CR1: variants seen among roughly 807,000 people sequenced by gnomAD.
CR1 encodes the protein complement receptor type 1.
A neutral mutation model predicts 187.3 loss-of-function variants in CR1; 116 were observed. That is an observed-to-expected ratio of 0.62 (90% CI 0.53 to 0.72). The LOEUF is 0.72. Ranked by LOEUF, CR1 falls within the 30% of genes least tolerant of loss-of-function variation. The pLI is 0.00. For missense variants in CR1, 1,731 were observed against 2,110.7 expected (o/e 0.82, Z 3.52); for synonymous variants, 576 against 747.1 (o/e 0.77, Z 3.73).
chr1:207,613,036 A>T (rs1207480092), intron 39 of CR1, among the ~76,000 whole-genome samples: 1 of 152,166 alleles, frequency 6.6e-6, no homozygotes, highest in African/African-American at 2.4e-5. Flanking sequence ...TTCGCGTGGT[A>T]CAGCTGCCCT....
chr1:207,498,890 A>AAAAAAAAAAAAT (rs911285366), intron 1 of CR1, among the ~76,000 whole-genome samples: 1 of 149,322 alleles, frequency 6.7e-6, no homozygotes, highest in Non-Finnish European at 1.5e-5. Context: ...AAAAAAAAAA[A>AAAAAAAAAAAAT]AAAGAAACAA....
intron 35 of CR1, among the ~76,000 whole-genome samples, chr1:207,603,267 C>G (rs1289881149): frequency 1.3e-5 from 2 of 152,108 alleles, no homozygotes; most frequent in Non-Finnish European, 2.9e-5. Flanking sequence ...ACGAGTTCAA[C>G]TATTTTAGAT....
chr1:207,639,167 T>C (rs1662906195), intron 46 of CR1, among the ~76,000 whole-genome samples: 3 of 152,238 alleles, frequency 2.0e-5, no homozygotes, highest in Non-Finnish European at 4.4e-5. Context: ...ATCTTGGACA[T>C]AAGTCAGGTG....
At chr1:207,583,996 G>GA (rs1435743334) in intron 32 of CR1, among the ~76,000 whole-genome samples, 7 of 151,878 alleles carry the variant, frequency 4.6e-5, no homozygotes, top group African/African-American at 1.7e-4. Context: ...TTTCTTTAAT[G>GA]AAAAAAATAA....
At chr1:207,501,049 A>C (rs941960443) in intron 1 of CR1, among the ~76,000 whole-genome samples, 1 of 152,270 alleles carries the variant, frequency 6.6e-6, no homozygotes, top group African/African-American at 2.4e-5. Flanking sequence ...ATAGGATATA[A>C]ATGAAGTGAT....
intron 4 of CR1, among the ~76,000 whole-genome samples, chr1:207,513,766 T>TCCTTCCTC (rs1659699591): frequency 2.1e-5 from 1 of 47,038 alleles, no homozygotes; most frequent in South Asian, 8.6e-4. Flanking sequence ...CTCCCTCCCT[T>TCCTTCCTC]CCTTCCTTCC....
At chr1:207,590,782 G>T (rs977120021) in intron 35 of CR1, among the ~76,000 whole-genome samples, 1 of 152,078 alleles carries the variant, frequency 6.6e-6, no homozygotes, top group Admixed American at 6.5e-5. Context: ...CCAAGCAAAT[G>T]GAAAGCAAAT....
At chr1:207,578,605 A>C (rs938147234) in intron 29 of CR1, among the ~76,000 whole-genome samples, 1 of 152,258 alleles carries the variant, frequency 6.6e-6, no homozygotes, top group African/African-American at 2.4e-5. Context: ...TATCCATTTA[A>C]TAGTGACATC....
intron 35 of CR1, among the ~76,000 whole-genome samples, chr1:207,603,839 G>A (rs993263665): frequency 3.3e-5 from 5 of 152,122 alleles, no homozygotes; most frequent in African/African-American, 1.2e-4. Flanking sequence ...TACAATGCAC[G>A]ATCCTGCACA....
intron 45 of CR1, among the ~76,000 whole-genome samples, chr1:207,626,252 G>A (rs1029890339): frequency 6.6e-6 from 1 of 152,166 alleles, no homozygotes; most frequent in Non-Finnish European, 1.5e-5. Flanking sequence ...AAACACCACT[G>A]ATTTTCATGT....
intron 4 of CR1, among the ~76,000 whole-genome samples, chr1:207,518,065 C>T (rs569285847): frequency 3.3e-5 from 5 of 152,002 alleles, no homozygotes; most frequent in Non-Finnish European, 7.4e-5. Context: ...TGTTTCCAAC[C>T]TTTATTTTTC....
In CR1 at chr1:207,609,292, A is replaced by T. The variant is rs772788078; in HGVS notation, c.5899A>T (p.Ile1967Leu). 1 of 1,603,544 alleles carries T rather than the reference A, an allele frequency of 6.2e-7. No individual in the cohort carries two copies. Among genetic ancestry groups the T allele is most frequent in the Non-Finnish European group, 8.5e-7 (1 of 1,173,140 alleles). ...TACCATACTCTTCCTTCTCTCAGTC[A>T]TATCTTGTGAGCCACCTCCAACCAT... ...WDKKAPICEI[I>L]SCEPPPTISN... The change falls in exon 37 of 47, where the codon ATA becomes TTA. Residue 1967 changes from isoleucine (I) to leucine (L), a missense_variant and splice_region_variant. By Grantham distance (5) the Ile-to-Leu change is conservative. This residue lies in a region of CR1 where 1,312 missense variants were observed against 1,379.6 expected (regional missense o/e 0.95). Transcript: ENST00000367049.
intron 35 of CR1, among the ~76,000 whole-genome samples, chr1:207,594,592 A>T (rs1204858844): frequency 2.0e-5 from 3 of 152,172 alleles, no homozygotes; most frequent in African/African-American, 7.2e-5. Context: ...CCCAGAATTT[A>T]AAGTATGATA....
chr1:207,636,613 CA>C (rs1190823464), intron 46 of CR1, among the ~76,000 whole-genome samples: 1 of 152,116 alleles, frequency 6.6e-6, no homozygotes, highest in Non-Finnish European at 1.5e-5. Context: ...ATTTTTTTGC[CA>C]ATCATTAACA....
At chr1:207,521,947 G>A (rs1427861592) in intron 4 of CR1, among the ~76,000 whole-genome samples, 1 of 151,536 alleles carries the variant, frequency 6.6e-6, no homozygotes. Flanking sequence ...AGAATTACAG[G>A]CGTGAGCCAC....
At chr1:207,507,789 T>C (rs1442136837) in intron 3 of CR1, among the ~76,000 whole-genome samples, 1 of 152,166 alleles carries the variant, frequency 6.6e-6, no homozygotes, top group Admixed American at 6.6e-5. Flanking sequence ...TCCAAAGGAA[T>C]TGAAAACTCA....
At chr1:207,506,939 A>G in intron 3 of CR1, 126 bp downstream of exon 3, 1 of 715,214 alleles carries the variant, frequency 1.4e-6, no homozygotes, top group Non-Finnish European at 2.3e-6. Flanking sequence ...CGGCTTCAAC[A>G]CAGATGTTTA....
intron 4 of CR1, among the ~76,000 whole-genome samples, chr1:207,520,114 T>G (rs1659928924): frequency 1.3e-5 from 2 of 152,280 alleles, no homozygotes; most frequent in Non-Finnish European, 2.9e-5. Context: ...AGAATTTTTA[T>G]GTTGCCTCAG....
intron 31 of CR1, among the ~76,000 whole-genome samples, chr1:207,581,219 G>T (rs1660932149): frequency 1.4e-5 from 2 of 145,056 alleles, no homozygotes; most frequent in African/African-American, 5.1e-5. Flanking sequence ...TATACATATG[G>T]ACACGTATAT....
Sources: allele counts gnomAD v4.1 joint callset (sites outside exome capture counted in the v4.1 genomes callset), GRCh38; gene constraint gnomAD v4.1.1; regional missense constraint gnomAD v4.1.1; transcripts MANE v1.5; gene names NCBI Gene and HGNC (gene_info 2026-07-23, HGNC 2026-07-21).